The following C1QTNF2 variants were observed in gnomAD, a reference collection of about 807,000 sequenced individuals.
C1QTNF2 encodes the protein C1q and TNF related 2, also known as complement C1q tumor necrosis factor-related protein 2.
A neutral mutation model predicts 17.4 loss-of-function variants in C1QTNF2; 15 were observed. The ratio of observed to expected loss-of-function variants is 0.86; its 90% CI spans 0.58 to 1.33. C1QTNF2 has a LOEUF of 1.33. C1QTNF2 is among the 40% of genes most tolerant of loss of function. The probability of loss-of-function intolerance (pLI) is 0.00; values close to 1 mark genes in which losing one functional copy is unlikely to be tolerated. For missense variants in C1QTNF2, 381 were observed against 392.3 expected (o/e 0.97, Z 0.24); for synonymous variants, 154 against 163.3 (o/e 0.94, Z 0.44).
At chr5:160,359,020 C>T (rs1764102179) in intron 1 of C1QTNF2, among the ~76,000 whole-genome samples, 1 of 152,156 alleles carries the variant, frequency 6.6e-6, no homozygotes, top group Non-Finnish European at 1.5e-5. Context: ...CAGCGATCTA[C>T]CCGTTTCAGC....
Position 160,348,490 on chromosome 5 carries a change from C to T in C1QTNF2, c.*678G>A, listed in dbSNP as rs1048575718. 20 of 152,266 alleles carry T rather than the reference C, an allele frequency of 1.3e-4. No homozygotes were observed. The highest frequency in any genetic ancestry group is 4.6e-4 in the African/African-American group (19 of 41,454). The allele number at this position is 152,266 out of a possible 1,614,324, so 9.4% of individuals were successfully genotyped here. A position where few individuals can be genotyped will look rare whatever the true frequency, so the allele number is the denominator to read the frequency against. ...ACTTGCAGAGCCTTTTGCTGGAGAC[C>T]TCTTTTCGAGGCCTTTGTGTTGCTC... is the stretch of plus-strand genomic sequence containing the variant. On this transcript the variant is annotated 3_prime_UTR_variant, in exon 3 of 3. Coordinates refer to ENST00000652664, the MANE Select transcript of C1QTNF2 (RefSeq NM_031908.6).
intron 1 of C1QTNF2, among the ~76,000 whole-genome samples, chr5:160,366,224 C>T (rs868739851): frequency 1.2e-4 from 19 of 152,246 alleles, no homozygotes; most frequent in Middle Eastern, 6.8e-3. Flanking sequence ...CCATTCGGCC[C>T]GTGAGCTTTT....
chr5:160,349,487 T>C lies in C1QTNF2; in HGVS notation c.539A>G (p.Tyr180Cys), dbSNP rs757435813. 6 of 1,614,092 alleles carry C rather than the reference T, an allele frequency of 3.7e-6. No homozygotes were observed. The highest frequency in any genetic ancestry group is 4.2e-6 in the Non-Finnish European group (5 of 1,180,010). Residue 180 changes from tyrosine (Y) to cysteine (C), a missense_variant, in exon 3 of 3, where the codon TAC (tyrosine) becomes TGC (cysteine). By Grantham distance (194) the Tyr-to-Cys change is radical (BLOSUM62 -2). Coordinates refer to ENST00000652664, the MANE Select transcript of C1QTNF2 (RefSeq NM_031908.6). The surrounding 1 kb of genome is among the most constrained non-coding windows in gnomAD (Gnocchi z 4.3). ...DKILMNEGGH[Y>C]NASSGKFVCG... ...GACGAACTTGCCGCTGGAAGCATTG[T>C]AGTGGCCACCCTCGTTCATCAGAAT...
chr5:160,357,706 G>A (rs1257796351), intron 1 of C1QTNF2, among the ~76,000 whole-genome samples: 4 of 152,172 alleles, frequency 2.6e-5, no homozygotes, highest in African/African-American at 4.8e-5. Context: ...GCGAGTCTTC[G>A]AGGCAGATGA....
intron 1 of C1QTNF2, among the ~76,000 whole-genome samples, chr5:160,365,166 T>C (rs1764224045): frequency 6.6e-6 from 1 of 152,112 alleles, no homozygotes; most frequent in Non-Finnish European, 1.5e-5. Context: ...TAACAGCATC[T>C]AGACATAACA....
At chr5:160,350,386 G>C (rs3923980) in intron 2 of C1QTNF2, among the ~76,000 whole-genome samples, 60,305 of 152,026 alleles carry the variant, frequency 0.4, 12,942 homozygotes, top group Non-Finnish European at 0.48. Context: ...AGAGGAAAGA[G>C]CAGGTGGCCA....
chr5:160,359,339 G>A (rs937076124), intron 1 of C1QTNF2, among the ~76,000 whole-genome samples: 1 of 152,082 alleles, frequency 6.6e-6, no homozygotes, highest in African/African-American at 2.4e-5. Flanking sequence ...ACTTGGAGAG[G>A]CTAATTTACT....
intron 1 of C1QTNF2, among the ~76,000 whole-genome samples, chr5:160,361,220 G>T (rs903115590): frequency 4.6e-5 from 7 of 152,186 alleles, no homozygotes; most frequent in Non-Finnish European, 1.0e-4. Context: ...AGTGCCACAG[G>T]CTGGGTCTAC....
chr5:160,351,102 C>A (rs781535515), intron 2 of C1QTNF2, among the ~76,000 whole-genome samples: 1 of 152,200 alleles, frequency 6.6e-6, no homozygotes, highest in Non-Finnish European at 1.5e-5. Flanking sequence ...AGTGCTTGGC[C>A]TATAGCAAAC....
At chr5:160,355,927 C>T (rs894069712) in intron 1 of C1QTNF2, among the ~76,000 whole-genome samples, 1 of 152,154 alleles carries the variant, frequency 6.6e-6, no homozygotes, top group Non-Finnish European at 1.5e-5. Flanking sequence ...CTACATCATG[C>T]GATGAGTAGA....
At chr5:160,353,178 G>A (rs1280293679) in intron 2 of C1QTNF2, among the ~76,000 whole-genome samples, 5 of 152,030 alleles carry the variant, frequency 3.3e-5, no homozygotes, top group African/African-American at 4.8e-5. Flanking sequence ...TCCGGCACAC[G>A]ATATGGATGG....
chr5:160,368,256 G>T (rs1193834467), intron 1 of C1QTNF2, among the ~76,000 whole-genome samples: 1 of 152,194 alleles, frequency 6.6e-6, no homozygotes, highest in Non-Finnish European at 1.5e-5. Flanking sequence ...AGAATGGGCT[G>T]GGCGCGGTGG....
intron 1 of C1QTNF2, among the ~76,000 whole-genome samples, chr5:160,367,224 A>G (rs78283537): frequency 1.7e-3 from 263 of 152,202 alleles, no homozygotes; most frequent in African/African-American, 6.1e-3. Context: ...ATTGTTGCCA[A>G]TGTAAAACTT....
intron 2 of C1QTNF2, among the ~76,000 whole-genome samples, chr5:160,353,979 A>G (rs1763978012): frequency 6.6e-6 from 1 of 151,274 alleles, no homozygotes; most frequent in African/African-American, 2.4e-5. Context: ...AATTTTTTGT[A>G]TTTTTAGTAG....
At chr5:160,361,131 G>C (rs918004532) in intron 1 of C1QTNF2, among the ~76,000 whole-genome samples, 7 of 152,266 alleles carry the variant, frequency 4.6e-5, no homozygotes, top group African/African-American at 1.7e-4. Context: ...CAGCTGCCCA[G>C]TCCCTGGGCT....
At position 160,370,592 on chromosome 5, in the gene C1QTNF2, C is replaced by T. The variant is rs773730818; in HGVS notation, c.-90G>A. On this transcript the variant is annotated 5_prime_UTR_variant, in exon 1 of 3. Transcript: ENST00000652664. ...GGCTCCGCGTCCCGGCTTTCCTCAG[C>T]GGCAGCAGCCGGGCAGAGCGTCGGC... 39 of 1,449,924 alleles carry T rather than the reference C, an allele frequency of 2.7e-5. No homozygotes were observed. Among genetic ancestry groups the T allele is most frequent in the Non-Finnish European group, 3.3e-5 (37 of 1,106,708 alleles). The allele number at this position is 1,449,924 out of a possible 1,614,324, so 89.8% of individuals were successfully genotyped here.
rs553940283 is a variant in C1QTNF2, at chr5:160,349,634, T to C, written c.392A>G (p.Lys131Arg). The C allele has an allele frequency of 1.9e-6, 3 of 1,613,570 alleles. No individual in the cohort carries two copies. The highest frequency in any genetic ancestry group is 2.5e-6 in the Non-Finnish European group (3 of 1,179,988). ...GTPGKKGPKG[K>R]KGEPGLPGPC... The stretch of plus-strand genomic sequence containing the variant: ...GCCTGGGAGGCCTGGCTCCCCCTTC[T>C]TGCCCTTGGGCCCCTTCTTGCCTGG... Residue 131 changes from lysine (K) to arginine (R), a missense_variant, in exon 3 of 3, where the codon AAG becomes AGG. Coordinates refer to ENST00000652664, the MANE Select transcript of C1QTNF2 (RefSeq NM_031908.6). The surrounding 1 kb of genome is among the most constrained non-coding windows in gnomAD (Gnocchi z 4.3).
At chr5:160,351,552 T>C (rs1486150083) in intron 2 of C1QTNF2, among the ~76,000 whole-genome samples, 3 of 152,216 alleles carry the variant, frequency 2.0e-5, no homozygotes, top group Non-Finnish European at 4.4e-5. Context: ...GAACACTTGA[T>C]TTTCAGGAAC....
At position 160,349,435 on chromosome 5, in the gene C1QTNF2, G is replaced by A. The variant is rs749263645; in HGVS notation, c.591C>T (p.Phe197=). Residue 197 remains phenylalanine (F), a synonymous_variant, in exon 3 of 3, where the codon TTC becomes TTT. Transcript: ENST00000652664. The surrounding 1 kb of genome is among the most constrained non-coding windows in gnomAD (Gnocchi z 4.3). ...TGTTGGCCAGCGTGATGTCGTAGGT[G>A]AAGTAGTAGATCCCAGGCACGCCGC... ...FVCGVPGIYY[F]TYDITLANKH... 6.2e-7 allele frequency: 1 copy of A among 1,614,048 alleles called. No homozygotes were observed. The highest frequency in any genetic ancestry group is 1.1e-5 in the South Asian group (1 of 91,084).
Sources: allele counts gnomAD v4.1 joint callset (sites outside exome capture counted in the v4.1 genomes callset), GRCh38; gene constraint gnomAD v4.1.1; non-coding constraint Gnocchi (gnomAD v3.1); transcripts MANE v1.5; gene names NCBI Gene and HGNC (gene_info 2026-07-23, HGNC 2026-07-21).